The following JARID2 variants were observed in gnomAD, a reference collection of about 807,000 sequenced individuals.
The protein encoded by JARID2 is protein Jumonji.
In JARID2, 21 loss-of-function variants were observed where a neutral mutation model predicts 125.6. The ratio of observed to expected loss-of-function variants is 0.17; its 90% CI spans 0.12 to 0.24. The LOEUF (loss-of-function observed/expected upper bound fraction) is 0.24. JARID2 is among the 10% of genes least tolerant of loss of function. The pLI is 1.00. For missense variants in JARID2, 1,303 were observed against 1,639.6 expected, an observed-to-expected ratio of 0.79 and a Z score of 3.55; for synonymous variants, 736 against 661.6, an observed-to-expected ratio of 1.11 and a Z score of -1.73.
rs79321006 is a variant in JARID2, at chr6:15,456,483, T to G, written c.493+4308T>G. On this transcript the variant is annotated intron_variant, in intron 4 of 17. Coordinates refer to ENST00000341776, the MANE Select transcript of JARID2 (RefSeq NM_004973.4). ...AGCTAGGCAATAAAAATAGGCTTTG[T>G]TATTTGTTTTTCTGTTCGTATACAA... is the stretch of plus-strand genomic sequence containing the variant. Among the ~76,000 whole-genome samples the G allele has an allele frequency of 4.9e-3, 742 of 152,338 alleles. 6 individuals carry two copies. Among genetic ancestry groups the G allele is most frequent in the African/African-American group, 0.017 (715 of 41,584 alleles).
intron 5 of JARID2, among the ~76,000 whole-genome samples, chr6:15,480,812 G>A (rs1453453465): frequency 2.0e-5 from 3 of 152,206 alleles, no homozygotes; most frequent in Non-Finnish European, 2.9e-5. Flanking sequence ...AGCAGAACTA[G>A]ACATCAAAAT....
rs542731422 is a variant in JARID2 at position 15,277,705 on chromosome 6, T to G, written c.45+31121T>G. Among the ~76,000 whole-genome samples the G allele has an allele frequency of 4.0e-5, 6 of 150,790 alleles. No individual in the cohort carries two copies. The East Asian group carries it at 1.2e-3, about 29-fold the overall frequency. On this transcript the variant is annotated intron_variant, in intron 1 of 17. Transcript: ENST00000341776. ...GAAGCATTAGATTGATTCACCTGTT[T>G]AAAAGTAGTTATGAAAGACAACAGA...
intron 1 of JARID2, among the ~76,000 whole-genome samples, chr6:15,366,511 GGGGGGGC>G (rs1219373130): frequency 1.5e-5 from 2 of 134,544 alleles, no homozygotes; most frequent in African/African-American, 6.0e-5. Context: ...GTGGGGGGCG[GGGGGGGC>G]GGGGGGGGTG....
chr6:15,342,364 C>G (rs1173387642), intron 1 of JARID2, among the ~76,000 whole-genome samples: 1 of 152,208 alleles, frequency 6.6e-6, no homozygotes, highest in South Asian at 2.1e-4. Context: ...ACTACCCCCA[C>G]AAGGGTGGAA....
intron 2 of JARID2, among the ~76,000 whole-genome samples, chr6:15,378,724 G>A (rs1764466736): frequency 1.3e-5 from 2 of 152,072 alleles, no homozygotes; most frequent in African/African-American, 4.8e-5. Flanking sequence ...AAGATGTTTT[G>A]TTTTTTCCCA....
At chr6:15,389,640 G>A (rs574204381) in intron 2 of JARID2, among the ~76,000 whole-genome samples, 1 of 152,302 alleles carries the variant, frequency 6.6e-6, no homozygotes, top group Admixed American at 6.5e-5. Flanking sequence ...GGGTGAGCTG[G>A]AAGGCTCTCA....
intron 3 of JARID2, among the ~76,000 whole-genome samples, chr6:15,421,273 A>G (rs1766477111): frequency 6.6e-6 from 1 of 152,162 alleles, no homozygotes; most frequent in African/African-American, 2.4e-5. Flanking sequence ...GGCAAGAGGT[A>G]TAAATCCTGT....
At chr6:15,280,719 C>T (rs571037842) in intron 1 of JARID2, among the ~76,000 whole-genome samples, 3 of 151,344 alleles carry the variant, frequency 2.0e-5, no homozygotes, top group African/African-American at 7.3e-5. Flanking sequence ...GCCTCTGCCT[C>T]CTGAGTTCAA....
chr6:15,447,084 T>C (rs1434155930), intron 3 of JARID2, among the ~76,000 whole-genome samples: 4 of 152,208 alleles, frequency 2.6e-5, no homozygotes, highest in Non-Finnish European at 4.4e-5. Flanking sequence ...TCTGAACTTA[T>C]TTGAACTTTG....
At chr6:15,410,782 A>G (rs754132815) in intron 3 of JARID2, among the ~76,000 whole-genome samples, 24 of 152,216 alleles carry the variant, frequency 1.6e-4, no homozygotes, top group Non-Finnish European at 3.4e-4. Context: ...TTTCCTTGTC[A>G]GGAAAGCTGA....
rs1771758005 is a variant in JARID2 at position 15,520,052 on chromosome 6, C to T, written c.3559-17C>T. The T allele has an allele frequency of 1.2e-6, 2 of 1,604,818 alleles. No individual in the cohort carries two copies. The highest frequency in any genetic ancestry group is 1.7e-6 in the Non-Finnish European group (2 of 1,175,564). On this transcript the variant is annotated splice_polypyrimidine_tract_variant and intron_variant, in intron 17 of 17. Coordinates refer to ENST00000341776, the MANE Select transcript of JARID2 (RefSeq NM_004973.4). ...AATACGGTATGTTAACTGTGTCTTC[C>T]TTTCACCCCCAAACAGGAACAGATT...
At chr6:15,391,964 G>A (rs1765027578) in intron 2 of JARID2, among the ~76,000 whole-genome samples, 1 of 152,068 alleles carries the variant, frequency 6.6e-6, no homozygotes, top group African/African-American at 2.4e-5. Flanking sequence ...GAAGTATTCT[G>A]GAGGAAATGT....
At chr6:15,350,222 G>A (rs1215761811) in intron 1 of JARID2, among the ~76,000 whole-genome samples, 3 of 152,162 alleles carry the variant, frequency 2.0e-5, no homozygotes, top group Non-Finnish European at 4.4e-5. Context: ...AGGTCTAAGG[G>A]TGAAGTCACA....
At chr6:15,394,391 A>T (rs1765138541) in intron 2 of JARID2, among the ~76,000 whole-genome samples, 1 of 152,110 alleles carries the variant, frequency 6.6e-6, no homozygotes, top group African/African-American at 2.4e-5. Context: ...GTGCCTCGGG[A>T]GGATCGCTTC....
rs746930256 is a variant in JARID2, at chr6:15,496,177, G to C, written c.952G>C (p.Gly318Arg). The C allele has an allele frequency of 2.7e-5, 43 of 1,613,982 alleles. No homozygotes were observed. The East Asian group carries it at 4.5e-4, about 17-fold the overall frequency. ...CACTCGAATGTCATCTCTGGGTGCA[G>C]GTGTAACCAGTGCCAAAAAGATGCG... is the stretch of plus-strand genomic sequence containing the variant. ...GVTRMSSLGA[G>R]VTSAKKMREV... Residue 318 changes from glycine to arginine, a missense_variant, in exon 7 of 18, where the codon GGT becomes CGT. Physicochemically the swap from Gly to Arg is moderately radical, Grantham distance 125. Coordinates refer to ENST00000341776, the MANE Select transcript of JARID2 (RefSeq NM_004973.4).
chr6:15,304,295 T>C (rs1005568676), intron 1 of JARID2, among the ~76,000 whole-genome samples: 1 of 116,854 alleles, frequency 8.6e-6, no homozygotes. Context: ...ATGGACATAA[T>C]TTGCTGATCC....
chr6:15,431,691 A>G (rs1766974330), intron 3 of JARID2, among the ~76,000 whole-genome samples: 1 of 152,216 alleles, frequency 6.6e-6, no homozygotes, highest in Non-Finnish European at 1.5e-5. Context: ...TTCCCTTTCA[A>G]TGAAGCAATT....
At position 15,507,376 on chromosome 6, in the gene JARID2, T is replaced by G. The variant is rs1000944394; in HGVS notation, c.2691T>G (p.Asn897Lys). Residue 897 changes from asparagine to lysine, a missense_variant, in exon 11 of 18, where the codon AAT (asparagine) becomes AAG (lysine). Coordinates refer to ENST00000341776, the MANE Select transcript of JARID2 (RefSeq NM_004973.4). ...GATGGAACCTCACCGTCCTCCCCAA[T>G]AACACAGGGTCCATCCTGCGTCACC... The part of the protein sequence containing the change: ...RHGWNLTVLP[N>K]NTGSILRHLG... The G allele has an allele frequency of 6.2e-7, 1 of 1,613,998 alleles. No homozygotes were observed. The highest frequency in any genetic ancestry group is 8.5e-7 in the Non-Finnish European group (1 of 1,180,010).
At chr6:15,432,320 C>T (rs959327075) in intron 3 of JARID2, among the ~76,000 whole-genome samples, 7 of 152,142 alleles carry the variant, frequency 4.6e-5, no homozygotes, top group East Asian at 1.9e-4. Flanking sequence ...CCCAGCTACT[C>T]GGTAGGCTGA....
Sources: allele counts gnomAD v4.1 joint callset (sites outside exome capture counted in the v4.1 genomes callset), GRCh38; gene constraint gnomAD v4.1.1; transcripts MANE v1.5; gene names NCBI Gene and HGNC (gene_info 2026-07-23, HGNC 2026-07-21).